LRRIQ1: variants seen among roughly 807,000 people sequenced by gnomAD.
LRRIQ1 encodes leucine-rich repeat- and IQ domain-containing protein 1.
A neutral mutation model predicts 211.9 loss-of-function variants in LRRIQ1; 210 were observed. The ratio of observed to expected loss-of-function variants is 0.99; its 90% CI spans 0.89 to 1.11. The LOEUF (loss-of-function observed/expected upper bound fraction) is 1.11, where lower values mean the gene tolerates loss of function less well. Ranked by LOEUF, LRRIQ1 falls within the 50% of genes most tolerant of loss-of-function variation. The pLI is 0.00. For missense variants in LRRIQ1, 2,136 were observed against 1,939.5 expected, an observed-to-expected ratio of 1.10 and a Z score of -1.90; for synonymous variants, 699 against 650.1, an observed-to-expected ratio of 1.08 and a Z score of -1.14.
At chr12:85,250,868 T>A (rs1447104050) in intron 1 of LRRIQ1, among the ~76,000 whole-genome samples, 1 of 104,560 alleles carries the variant, frequency 9.6e-6, no homozygotes, top group Non-Finnish European at 1.8e-5. Flanking sequence ...TATTATAGAT[T>A]ATATATTATA....
intron 11 of LRRIQ1, among the ~76,000 whole-genome samples, chr12:85,075,285 A>AT (rs925566116): frequency 4.6e-5 from 7 of 151,582 alleles, no homozygotes; most frequent in African/African-American, 7.2e-5. Context: ...TGCCTCTACA[A>AT]TTTTTTTTTA....
intron 24 of LRRIQ1, among the ~76,000 whole-genome samples, chr12:85,208,919 G>T (rs945268240): frequency 5.3e-5 from 8 of 151,978 alleles, no homozygotes; most frequent in African/African-American, 1.9e-4. Flanking sequence ...TCTGTCTTCT[G>T]GTGCTGTTAC....
At chr12:85,054,071 C>A (rs1019087732) in intron 7 of LRRIQ1, among the ~76,000 whole-genome samples, 1 of 152,266 alleles carries the variant, frequency 6.6e-6, no homozygotes, top group East Asian at 1.9e-4. Flanking sequence ...AAATTTGATG[C>A]CTTTTCCTTA....
chr12:85,052,008 CTT>C (rs1274678897), intron 6 of LRRIQ1, among the ~76,000 whole-genome samples, 167 bp from the exon 7 acceptor site: 1 of 152,094 alleles, frequency 6.6e-6, no homozygotes, highest in African/African-American at 2.4e-5. Context: ...TTATGTGACA[CTT>C]CAGTTTGAGA....
chr12:85,071,888 G>A (rs1883121332), intron 10 of LRRIQ1, among the ~76,000 whole-genome samples: 1 of 151,994 alleles, frequency 6.6e-6, no homozygotes, highest in African/African-American at 2.4e-5. Context: ...CACCTGGCCT[G>A]CCCTTGACGT....
In LRRIQ1 at chr12:85,039,529, A is replaced by G. The variant is rs573013083; in HGVS notation, c.133-961A>G. Among the ~76,000 whole-genome samples, 9 of 151,768 alleles carry G rather than the reference A, an allele frequency of 5.9e-5. No individual in the cohort carries two copies. In the East Asian group the frequency reaches 1.5e-3, roughly 26 times the overall value. ...CTCATTTTATGACATATAATTTTAC[A>G]TGCTTTTCTGTAGTACTAAAAGAAA... On this transcript the variant is annotated intron_variant, in intron 2 of 26. Transcript: ENST00000393217.
At chr12:85,130,675 C>T (rs1311603931) in intron 18 of LRRIQ1, among the ~76,000 whole-genome samples, 2 of 152,128 alleles carry the variant, frequency 1.3e-5, no homozygotes, top group Non-Finnish European at 2.9e-5. Context: ...CATCTAGCTT[C>T]TTAAATGACT....
intron 14 of LRRIQ1, 151 bp from the exon 15 acceptor site, chr12:85,106,371 A>G: frequency 1.7e-6 from 1 of 594,012 alleles, no homozygotes; most frequent in East Asian, 2.8e-5. Context: ...TCCTTAACAC[A>G]GTCTTCTTTA....
chr12:85,162,394 TC>T (rs1324699582), intron 24 of LRRIQ1, among the ~76,000 whole-genome samples: 3 of 152,152 alleles, frequency 2.0e-5, no homozygotes, highest in Non-Finnish European at 4.4e-5. Flanking sequence ...TCTGCTAAAA[TC>T]AGTAATAACT....
chr12:85,083,426 AT>A (rs1452428386), intron 11 of LRRIQ1, among the ~76,000 whole-genome samples: 1 of 145,418 alleles, frequency 6.9e-6, no homozygotes, highest in Non-Finnish European at 1.5e-5. Flanking sequence ...TGGATTATTA[AT>A]TTTTTTCTAA....
At chr12:85,085,020 C>T (rs1036535717) in intron 11 of LRRIQ1, among the ~76,000 whole-genome samples, 4 of 151,964 alleles carry the variant, frequency 2.6e-5, no homozygotes, top group African/African-American at 9.7e-5. Context: ...CAAAAAGCAT[C>T]CACTTGTCAA....
chr12:85,132,805 A>T (rs954389553), intron 18 of LRRIQ1, among the ~76,000 whole-genome samples: 4 of 151,880 alleles, frequency 2.6e-5, no homozygotes, highest in African/African-American at 9.7e-5. Context: ...AGAAATAAAA[A>T]TAATTTTTTA....
intron 24 of LRRIQ1, among the ~76,000 whole-genome samples, chr12:85,197,537 A>G (rs1892990270): frequency 6.6e-6 from 1 of 150,784 alleles, no homozygotes; most frequent in African/African-American, 2.4e-5. Flanking sequence ...AGGGACATGG[A>G]TGAAATTGGA....
chr12:85,113,469 T>C (rs1373617778), intron 15 of LRRIQ1, among the ~76,000 whole-genome samples: 1 of 152,096 alleles, frequency 6.6e-6, no homozygotes, highest in Non-Finnish European at 1.5e-5. Flanking sequence ...ATATCCCTAA[T>C]GGAAAAAATT....
intron 24 of LRRIQ1, among the ~76,000 whole-genome samples, chr12:85,189,005 T>C (rs1369091921): frequency 6.6e-6 from 1 of 152,082 alleles, no homozygotes; most frequent in East Asian, 1.9e-4. Context: ...ACGCCTTTGG[T>C]AATAGAGACT....
At chr12:85,138,177 G>A (rs928631636) in intron 19 of LRRIQ1, among the ~76,000 whole-genome samples, 6 of 151,426 alleles carry the variant, frequency 4.0e-5, no homozygotes, top group Admixed American at 2.6e-4. Context: ...TTACAAGAGC[G>A]TCTTTGTGCC....
intron 14 of LRRIQ1, among the ~76,000 whole-genome samples, chr12:85,105,645 G>A (rs1452322571): frequency 6.6e-6 from 1 of 151,984 alleles, no homozygotes; most frequent in African/African-American, 2.4e-5. Flanking sequence ...AGTTCAGTAA[G>A]TCAGGGTGTT....
intron 15 of LRRIQ1, among the ~76,000 whole-genome samples, chr12:85,114,296 A>G (rs1373098724): frequency 6.6e-6 from 1 of 152,118 alleles, no homozygotes; most frequent in Non-Finnish European, 1.5e-5. Context: ...GACAAATAAA[A>G]AATACTAGCT....
At chr12:85,173,731 C>A (rs941036551) in intron 24 of LRRIQ1, among the ~76,000 whole-genome samples, 5 of 152,118 alleles carry the variant, frequency 3.3e-5, no homozygotes, top group South Asian at 2.1e-4. Flanking sequence ...TCATGAGGAT[C>A]CCACCCTCAT....
Sources: allele counts gnomAD v4.1 joint callset (sites outside exome capture counted in the v4.1 genomes callset), GRCh38; gene constraint gnomAD v4.1.1; transcripts MANE v1.5; gene names NCBI Gene and HGNC (gene_info 2026-07-23, HGNC 2026-07-21).